The following HCRTR2 variants were observed in gnomAD, a reference collection of about 807,000 sequenced individuals.
The protein encoded by HCRTR2 is hypocretin receptor 2, also known as orexin receptor type 2.
A neutral mutation model predicts 49.0 loss-of-function variants in HCRTR2; 22 were observed. That is an observed-to-expected ratio of 0.45 (90% confidence interval 0.32 to 0.64). The LOEUF (loss-of-function observed/expected upper bound fraction) is 0.64, where lower values mean the gene tolerates loss of function less well. Ranked by LOEUF, HCRTR2 falls within the 30% of genes least tolerant of loss-of-function variation. The pLI is 0.04. For missense variants in HCRTR2, 491 were observed against 559.4 expected, an observed-to-expected ratio of 0.88 and a Z score of 1.23; for synonymous variants, 236 against 205.3, an observed-to-expected ratio of 1.15 and a Z score of -1.28.
chr6:55,263,029 A>G (rs1766797250), intron 3 of HCRTR2, among the ~76,000 whole-genome samples: 1 of 151,780 alleles, frequency 6.6e-6, no homozygotes, highest in African/African-American at 2.4e-5. Context: ...AAGCCTTAAA[A>G]TTCTCATTTT....
intron 1 of HCRTR2, among the ~76,000 whole-genome samples, chr6:55,166,207 T>G (rs904267556): frequency 3.3e-5 from 5 of 152,068 alleles, no homozygotes; most frequent in African/African-American, 1.2e-4. Flanking sequence ...CTTTTTGATG[T>G]TTTTTGGATT....
chr6:55,237,768 T>G (rs919438145), intron 1 of HCRTR2, among the ~76,000 whole-genome samples: 2 of 152,212 alleles, frequency 1.3e-5, no homozygotes, highest in Non-Finnish European at 2.9e-5. Flanking sequence ...TAAGCTTATC[T>G]GCCGTTACCA....
chr6:55,180,251 G>A (rs1765108328), intron 1 of HCRTR2, among the ~76,000 whole-genome samples: 1 of 152,222 alleles, frequency 6.6e-6, no homozygotes, highest in South Asian at 2.1e-4. Context: ...GTAAATAGCA[G>A]CACTAGGTTT....
Position 55,278,953 on chromosome 6 carries a change from AT to A in HCRTR2, c.983+1356del, listed in dbSNP as rs908955068. On this transcript the variant is annotated intron_variant, in intron 5 of 6. Transcript: ENST00000370862. ...ACCTCTCTCTGGGTTACGTATTTGG[AT>A]TTCCTGTATCTCAGAACTTGCTCTT... Among the ~76,000 whole-genome samples the A allele has an allele frequency of 7.6e-4, 116 of 151,650 alleles. 1 individual carries two copies. The highest frequency in any genetic ancestry group is 1.3e-3 in the Non-Finnish European group (91 of 67,896).
At chr6:55,281,132 A>G (rs1247315296) in intron 6 of HCRTR2, among the ~76,000 whole-genome samples, 1 of 152,068 alleles carries the variant, frequency 6.6e-6, no homozygotes, top group Non-Finnish European at 1.5e-5. Context: ...CTCATTGGCG[A>G]TTTCTTTGTT....
At chr6:55,227,854 T>C (rs1426567636) in intron 1 of HCRTR2, among the ~76,000 whole-genome samples, 1 of 152,114 alleles carries the variant, frequency 6.6e-6, no homozygotes, top group East Asian at 1.9e-4. Flanking sequence ...GATAAATCTA[T>C]GTAATGAAGA....
chr6:55,270,863 CT>C (rs1333770813), intron 4 of HCRTR2, among the ~76,000 whole-genome samples: 2 of 151,982 alleles, frequency 1.3e-5, no homozygotes, highest in Non-Finnish European at 2.9e-5. Flanking sequence ...ACATATACAC[CT>C]ACAATTACAA....
chr6:55,133,382 C>A (rs1162055798), intron 1 of HCRTR2, among the ~76,000 whole-genome samples: 4 of 104,980 alleles, frequency 3.8e-5, no homozygotes, highest in Admixed American at 8.2e-5. Flanking sequence ...CATACACACA[C>A]ACAAAAAAAC....
intron 1 of HCRTR2, among the ~76,000 whole-genome samples, chr6:55,130,501 G>A (rs990056363): frequency 5.9e-5 from 9 of 151,416 alleles, no homozygotes; most frequent in Admixed American, 2.6e-4. Flanking sequence ...CTGTCACATG[G>A]GCTATGGGTT....
intron 1 of HCRTR2, among the ~76,000 whole-genome samples, chr6:55,200,439 T>C (rs1369161121): frequency 6.6e-6 from 1 of 152,106 alleles, no homozygotes; most frequent in African/African-American, 2.4e-5. Flanking sequence ...TAATTTTTTG[T>C]ATTTTTAGTA....
chr6:55,156,593 GCACA>G (rs143391168), intron 1 of HCRTR2, among the ~76,000 whole-genome samples: 2 of 146,112 alleles, frequency 1.4e-5, no homozygotes, highest in African/African-American at 5.0e-5. Flanking sequence ...ACACACACAA[GCACA>G]CACACACACA....
intron 3 of HCRTR2, among the ~76,000 whole-genome samples, chr6:55,262,413 G>T (rs1273429638): frequency 5.4e-5 from 7 of 130,028 alleles, no homozygotes; most frequent in African/African-American, 1.8e-4. Context: ...TGTATTATAT[G>T]TTATATATAA....
chr6:55,246,577 G>T (rs2127310320), intron 1 of HCRTR2, among the ~76,000 whole-genome samples: 1 of 152,138 alleles, frequency 6.6e-6, no homozygotes, highest in South Asian at 2.1e-4. Context: ...GTCAAATAGA[G>T]GTTGGTAGCT....
At chr6:55,130,603 C>T (rs1764342336) in intron 1 of HCRTR2, among the ~76,000 whole-genome samples, 1 of 151,790 alleles carries the variant, frequency 6.6e-6, no homozygotes, top group Non-Finnish European at 1.5e-5. Context: ...TATCAATCCT[C>T]TACTTACAAT....
At chr6:55,131,021 A>C (rs1251212470) in intron 1 of HCRTR2, among the ~76,000 whole-genome samples, 2 of 151,872 alleles carry the variant, frequency 1.3e-5, no homozygotes, top group African/African-American at 4.8e-5. Context: ...CCAAGTGGTG[A>C]GATTAAGCTG....
intron 1 of HCRTR2, among the ~76,000 whole-genome samples, chr6:55,233,499 G>A (rs182584344): frequency 2.6e-5 from 4 of 152,218 alleles, no homozygotes; most frequent in African/African-American, 9.6e-5. Flanking sequence ...AGACCAGCCT[G>A]GACAAAATGG....
At chr6:55,172,048 A>C (rs1201234995), upstream of HCRTR2, among the ~76,000 whole-genome samples, 1 of 152,200 alleles carries the variant, frequency 6.6e-6, no homozygotes, top group Non-Finnish European at 1.5e-5. Context: ...CAGAGTATAA[A>C]GTTGACAGAT....
At chr6:55,241,062 T>C (rs1766321150) in intron 1 of HCRTR2, among the ~76,000 whole-genome samples, 1 of 151,634 alleles carries the variant, frequency 6.6e-6, no homozygotes, top group Non-Finnish European at 1.5e-5. Flanking sequence ...CATGCTGGTG[T>C]GCTGCACCCA....
At chr6:55,183,380 A>G (rs141612054) in intron 1 of HCRTR2, among the ~76,000 whole-genome samples, 11 of 152,340 alleles carry the variant, frequency 7.2e-5, no homozygotes, top group Admixed American at 7.2e-4. Context: ...GAGGCGTGAA[A>G]TAGAATGAGC....
Sources: gnomAD v4.1 joint callset for allele counts (sites outside exome capture counted in the v4.1 genomes callset) on GRCh38, gnomAD v4.1.1 for gene constraint, MANE v1.5 for transcripts, NCBI Gene and HGNC (gene_info 2026-07-23, HGNC 2026-07-21) for gene names.